Variants in ANKRD31 observed in about 807,000 individuals in gnomAD.
The protein encoded by ANKRD31 is ankyrin repeat domain-containing protein 31.
Under a neutral mutation model 186.0 loss-of-function variants are expected in ANKRD31, and 147 were observed. That is an observed-to-expected ratio of 0.79 (90% CI 0.69 to 0.91). The LOEUF (loss-of-function observed/expected upper bound fraction) is 0.91, where lower values mean the gene tolerates loss of function less well. Among genes scored for constraint, ANKRD31 ranks in the 40% least tolerant of loss-of-function variants. The pLI is 0.00. For missense variants in ANKRD31, 1,986 were observed against 2,148.8 expected (o/e 0.92, Z 1.50); for synonymous variants, 673 against 736.4 (o/e 0.91, Z 1.39).
chr5:75,198,098 G>A (rs1001062646), intron 6 of ANKRD31, among the ~76,000 whole-genome samples: 3 of 152,172 alleles, frequency 2.0e-5, no homozygotes, highest in African/African-American at 7.2e-5. Context: ...AAGATTTGGT[G>A]TTAAAATCTG....
At chr5:75,158,024 G>T (rs1277561935) in intron 11 of ANKRD31, among the ~76,000 whole-genome samples, 4 of 152,126 alleles carry the variant, frequency 2.6e-5, no homozygotes, top group African/African-American at 7.2e-5. Flanking sequence ...CGAATAGATA[G>T]TCAAAGAGAG....
intron 13 of ANKRD31, among the ~76,000 whole-genome samples, chr5:75,148,277 C>T (rs558665085): frequency 6.6e-6 from 1 of 151,878 alleles, no homozygotes; most frequent in South Asian, 2.1e-4. Context: ...GGGCTAATAC[C>T]TTTGACTCTT....
At chr5:75,114,443 C>G (rs1748034903) in intron 19 of ANKRD31, among the ~76,000 whole-genome samples, 1 of 152,164 alleles carries the variant, frequency 6.6e-6, no homozygotes, top group Non-Finnish European at 1.5e-5. Flanking sequence ...TAACTTCCAG[C>G]CCATTCTGTT....
At chr5:75,164,159 C>T (rs1752764346) in intron 11 of ANKRD31, among the ~76,000 whole-genome samples, 1 of 152,150 alleles carries the variant, frequency 6.6e-6, no homozygotes, top group Admixed American at 6.5e-5. Flanking sequence ...GTCCATGTGG[C>T]AATGAACATG....
intron 11 of ANKRD31, among the ~76,000 whole-genome samples, chr5:75,168,121 A>C (rs1242635195): frequency 6.6e-6 from 1 of 152,100 alleles, no homozygotes; most frequent in East Asian, 1.9e-4. Flanking sequence ...AACAAAAAAA[A>C]CTGCCTAAAC....
intron 11 of ANKRD31, 85 bp from the exon 12 acceptor site, chr5:75,154,430 T>A: frequency 2.7e-6 from 3 of 1,115,434 alleles, no homozygotes; most frequent in Middle Eastern, 2.1e-4. Flanking sequence ...CTAAGTAACA[T>A]CAAATATCTC....
intron 2 of ANKRD31, among the ~76,000 whole-genome samples, chr5:75,227,440 C>T (rs986161341): frequency 5.9e-5 from 9 of 152,060 alleles, no homozygotes; most frequent in African/African-American, 2.2e-4. Context: ...TTGTTTGAAA[C>T]ATAAAGGATA....
intron 3 of ANKRD31, among the ~76,000 whole-genome samples, chr5:75,212,286 C>T (rs558436417): frequency 1.6e-4 from 25 of 152,086 alleles, no homozygotes; most frequent in African/African-American, 5.3e-4. Context: ...CCCTAAGGAC[C>T]AGAAATTATA....
chr5:75,210,948 T>C (rs74439672), intron 3 of ANKRD31, 83 bp from the exon 4 acceptor site: 19,505 of 958,658 alleles, frequency 0.02, 390 homozygotes, highest in African/African-American at 0.088. Context: ...TTTAAAGTAA[T>C]TTTTGTGTTA....
chr5:75,232,148 A>G (rs529506292), intron 1 of ANKRD31, among the ~76,000 whole-genome samples: 1 of 152,318 alleles, frequency 6.6e-6, no homozygotes, highest in South Asian at 2.1e-4. Flanking sequence ...TACCATAGCT[A>G]TAGTGCATTT....
intron 3 of ANKRD31, among the ~76,000 whole-genome samples, chr5:75,212,922 T>C (rs1382250946): frequency 6.6e-6 from 1 of 152,212 alleles, no homozygotes; most frequent in African/African-American, 2.4e-5. Context: ...ATTACACTAA[T>C]ACAATACAGA....
chr5:75,136,829 C>T (rs909072947), intron 17 of ANKRD31, among the ~76,000 whole-genome samples: 2 of 152,296 alleles, frequency 1.3e-5, no homozygotes, highest in East Asian at 3.9e-4. Flanking sequence ...GAATACTATG[C>T]AGCCATAAAA....
intron 2 of ANKRD31, among the ~76,000 whole-genome samples, chr5:75,227,746 C>T (rs115382226): frequency 3.9e-5 from 6 of 152,242 alleles, no homozygotes; most frequent in Admixed American, 6.5e-5. Context: ...CCCTGGACCA[C>T]GGACCAGTAC....
At chr5:75,187,975 A>C (rs772910514) in intron 10 of ANKRD31, among the ~76,000 whole-genome samples, 1 of 152,120 alleles carries the variant, frequency 6.6e-6, no homozygotes, top group Non-Finnish European at 1.5e-5. Context: ...CATTCTACCC[A>C]CAGGGAACAT....
intron 18 of ANKRD31, 41 bp downstream of exon 18, chr5:75,118,092 GAT>G: frequency 7.7e-7 from 1 of 1,297,186 alleles, no homozygotes; most frequent in South Asian, 2.4e-5. Flanking sequence ...CCTAAGCAGA[GAT>G]ATATCTCTAT....
At chr5:75,107,908 C>T (rs1177450156) in intron 20 of ANKRD31, among the ~76,000 whole-genome samples, 1 of 151,934 alleles carries the variant, frequency 6.6e-6, no homozygotes, top group African/African-American at 2.4e-5. Flanking sequence ...GGTTAGCTTT[C>T]TTACCTGTGA....
intron 7 of ANKRD31, among the ~76,000 whole-genome samples, chr5:75,195,359 T>C: frequency 6.6e-6 from 1 of 152,084 alleles, no homozygotes; most frequent in East Asian, 1.9e-4. Context: ...AGAAGAAATC[T>C]TTCTATTTTC....
intron 25 of ANKRD31, among the ~76,000 whole-genome samples, chr5:75,073,670 C>T (rs1744412958): frequency 6.6e-6 from 1 of 152,178 alleles, no homozygotes; most frequent in Admixed American, 6.5e-5. Context: ...CCTTACCATT[C>T]CCATCACTGA....
In ANKRD31 at chr5:75,104,896, T is replaced by C. The variant is rs1439353280; in HGVS notation, c.4663A>G (p.Thr1555Ala). ...GCCTCTGAATTTAGACAAATGTTGG[T>C]ATTTTGGCTGTAGTTCCAAGTTTCC... ...SLETWNYSQN[T>A]NICLNSEAVR... The change falls in exon 22 of 26, where the codon ACC (threonine) becomes GCC (alanine). Residue 1555 changes from threonine (T) to alanine (A), a missense_variant. Coordinates refer to ENST00000506364, the MANE Select transcript of ANKRD31 (RefSeq NM_001372053.1). 6.5e-7 allele frequency: 1 copy of C among 1,537,224 alleles called. No individual in the cohort carries two copies. The highest frequency in any genetic ancestry group is 1.2e-5 in the South Asian group (1 of 84,062).
Sources: allele counts gnomAD v4.1 joint callset (sites outside exome capture counted in the v4.1 genomes callset), GRCh38; gene constraint gnomAD v4.1.1; transcripts MANE v1.5; gene names NCBI Gene and HGNC (gene_info 2026-07-23, HGNC 2026-07-21).